BAHCC1: variants seen among roughly 807,000 people sequenced by gnomAD.
The protein encoded by BAHCC1 is BAH and coiled-coil domain-containing protein 1.
Under a neutral mutation model 88.2 loss-of-function variants are expected in BAHCC1, and 43 were observed. The ratio of observed to expected loss-of-function variants is 0.49; its 90% confidence interval spans 0.38 to 0.63. BAHCC1 has a LOEUF of 0.63. Among genes scored for constraint, BAHCC1 ranks in the 20% least tolerant of loss-of-function variants. BAHCC1 has a pLI of 0.00. For synonymous variants in BAHCC1, 1,510 were observed against 745.5 expected, an observed-to-expected ratio of 2.03 and a Z score of -16.71; for missense variants, 3,023 against 1,654.8, an observed-to-expected ratio of 1.83 and a Z score of -14.34.
At chr17:81,457,121 G>A (rs1598509048) in intron 16 of BAHCC1, among the ~76,000 whole-genome samples, 1 of 152,162 alleles carries the variant, frequency 6.6e-6, no homozygotes, top group Admixed American at 6.5e-5. Flanking sequence ...CAGAAAAAGG[G>A]GAAGGGACTT....
At chr17:81,455,131 C>G in intron 14 of BAHCC1, 136 bp from the exon 15 acceptor site, 1 of 623,372 alleles carries the variant, frequency 1.6e-6, no homozygotes, top group Non-Finnish European at 2.9e-6. Flanking sequence ...CCCTCACCCC[C>G]TGCTCTGTCT....
rs1555653387 is a variant in BAHCC1, at chr17:81,443,575, T to C, written c.2215+11T>C. ...CCCCCGCCTTCAAAGGTACAGGCCC[T>C]GCACAGAGAGGGAGGCAGGCCGGGA... On this transcript the variant is annotated intron_variant, in intron 5 of 27. Coordinates refer to ENST00000675386, the MANE Select transcript of BAHCC1 (RefSeq NM_001377448.1). 1 of 627,138 alleles carries C rather than the reference T, an allele frequency of 1.6e-6. No homozygotes were observed. The highest frequency in any genetic ancestry group is 2.5e-5 in the Admixed American group (1 of 40,008). 38.8% of individuals were successfully genotyped at this position (627,138 alleles called of 1,614,324 possible). A position where few individuals can be genotyped will look rare whatever the true frequency, so the allele number is the denominator to read the frequency against.
At chr17:81,463,576 G>A (rs1226406528) in intron 27 of BAHCC1, 35 bp from the exon 28 acceptor site, 1 of 777,350 alleles carries the variant, frequency 1.3e-6, no homozygotes. Flanking sequence ...ACTGGCCAAG[G>A]CCGGCCACTG....
Position 81,464,068 on chromosome 17 carries a change from G to T in BAHCC1, c.*251G>T, listed in dbSNP as rs570930696. ...TGTGGCCCTCATGGGTCCCCGGCCC[G>T]CCCCACCCACAGCGCCCTCCGTTTC... On this transcript the variant is annotated 3_prime_UTR_variant, in exon 28 of 28. Coordinates refer to ENST00000675386, the MANE Select transcript of BAHCC1 (RefSeq NM_001377448.1). 42 of 557,836 alleles carry T rather than the reference G, an allele frequency of 7.5e-5. No homozygotes were observed. The highest frequency in any genetic ancestry group is 9.4e-4 in the Middle Eastern group (2 of 2,134). 34.6% of individuals were successfully genotyped at this position (557,836 alleles called of 1,614,324 possible).
rs919677460 is a variant in BAHCC1, at chr17:81,426,929, G to A, written c.308G>A (p.Arg103His). ...PSSSPPEQAY[R>H]GSHPTTSQIW... is the part of the protein sequence containing the mutation. Reference sequence around the variant, plus strand: ...TCCTCCCCCCCTGAGCAGGCCTACCGTGGCTCCCACCCCACCACCTCCCAG... The same window carrying A: ...TCCTCCCCCCCTGAGCAGGCCTACCATGGCTCCCACCCCACCACCTCCCAG... Residue 103 changes from arginine to histidine, a missense_variant, in exon 3 of 28, where the codon CGT (arginine) becomes CAT (histidine). Transcript: ENST00000675386. 2.8e-5 allele frequency: 11 copies of A among 398,506 alleles called. No individual in the cohort carries two copies. The South Asian group carries it at 6.4e-4, about 23-fold the overall frequency. The allele number at this position is 398,506 out of a possible 1,614,324, so 24.7% of individuals were successfully genotyped here.
rs1354172569 is a variant in BAHCC1 at position 81,445,107 on chromosome 17, T to C, written c.2764T>C (p.Tyr922His). ...HMQHPGQLPV[Y>H]SRPQLLRQQE... ...GCAGCACCCGGGCCAGCTCCCTGTG[T>C]ACTCGAGGCCGCAGCTCCTCCGGCA... The change falls in exon 9 of 28, where the codon TAC (tyrosine) becomes CAC (histidine). Residue 922 changes from tyrosine (Y) to histidine (H), a missense_variant. Coordinates refer to ENST00000675386, the MANE Select transcript of BAHCC1 (RefSeq NM_001377448.1). The C allele has an allele frequency of 3.9e-6, 3 of 772,960 alleles. No individual in the cohort carries two copies. The highest frequency in any genetic ancestry group is 7.2e-6 in the Non-Finnish European group (3 of 415,600). 47.9% of individuals were successfully genotyped at this position (772,960 alleles called of 1,614,324 possible).
At chr17:81,403,678 G>A (rs1231855176) in intron 2 of BAHCC1, among the ~76,000 whole-genome samples, 1 of 152,214 alleles carries the variant, frequency 6.6e-6, no homozygotes, top group Non-Finnish European at 1.5e-5. Flanking sequence ...ACACGATGGA[G>A]TGTTTCTGCA....
intron 27 of BAHCC1, 48 bp from the exon 28 acceptor site, chr17:81,463,563 C>A: frequency 1.3e-6 from 1 of 773,436 alleles, no homozygotes; most frequent in Non-Finnish European, 2.4e-6. Context: ...TGGGCAGGGG[C>A]GCACTGGCCA....
Position 81,447,313 on chromosome 17 carries a change from C to A in BAHCC1, c.3441C>A (p.Asp1147Glu). Residue 1147 changes from aspartate to glutamate, a missense_variant, in exon 11 of 28, where the codon GAC becomes GAA. Asp to Glu is a conservative substitution (Grantham distance 45). Transcript: ENST00000675386. ...TERGPQGKAA[D>E]PSPLEGLQEL... ...GGGGACCCCAGGGGAAGGCAGCGGA[C>A]CCCAGCCCACTAGAGGGGCTACAAG... 1.3e-6 allele frequency: 1 copy of A among 742,656 alleles called. No individual in the cohort carries two copies. 46.0% of individuals were successfully genotyped at this position (742,656 alleles called of 1,614,324 possible).
intron 1 of BAHCC1, chr17:81,396,105 C>T (rs996850473): frequency 6.6e-6 from 1 of 152,364 alleles, no homozygotes; most frequent in East Asian, 1.9e-4. Flanking sequence ...CTCCCCTACC[C>T]TGCTCCCCTC....
chr17:81,458,044 G>C, intron 17 of BAHCC1, 121 bp from the exon 18 acceptor site: 1 of 638,352 alleles, frequency 1.6e-6, no homozygotes, highest in Non-Finnish European at 2.8e-6. Context: ...AGAGGTTGCT[G>C]GGTAACCCGG....
At chr17:81,427,860 C>T (rs1034445572) in intron 3 of BAHCC1, among the ~76,000 whole-genome samples, 76 of 152,308 alleles carry the variant, frequency 5.0e-4, no homozygotes, top group Non-Finnish European at 8.2e-4. Context: ...TTACAGAGCG[C>T]CGCGGACCCA....
chr17:81,455,434 C>G (rs1555657053), intron 15 of BAHCC1, 44 bp downstream of exon 15: 1 of 706,246 alleles, frequency 1.4e-6, no homozygotes, highest in Non-Finnish European at 2.6e-6. Context: ...CCTTCAGGTC[C>G]CTTCAGGTCC....
At chr17:81,415,775 C>T (rs1678977701) in intron 2 of BAHCC1, among the ~76,000 whole-genome samples, 1 of 152,230 alleles carries the variant, frequency 6.6e-6, no homozygotes, top group Non-Finnish European at 1.5e-5. Context: ...CCTGACCTAC[C>T]CCCCAGCCCT....
At chr17:81,445,286 C>T (rs1455653802) in intron 9 of BAHCC1, 68 bp from the exon 10 acceptor site, 5 of 726,932 alleles carry the variant, frequency 6.9e-6, no homozygotes, top group South Asian at 2.9e-5. Context: ...GCAGGATGAA[C>T]CCAAGCAGGG....
Position 81,444,362 on chromosome 17 carries a change from T to G in BAHCC1, c.2325-19T>G. The G allele has an allele frequency of 1.4e-6, 1 of 724,266 alleles. No homozygotes were observed. Among genetic ancestry groups the G allele is most frequent in the Non-Finnish European group, 2.6e-6 (1 of 391,660 alleles). 44.9% of individuals were successfully genotyped at this position (724,266 alleles called of 1,614,324 possible). On this transcript the variant is annotated intron_variant, in intron 6 of 27. Transcript: ENST00000675386. ...TGGGCCTTGGCGCCGGCGGCAGGGC[T>G]GAGCCCCAGGTCTTACAGGGACAGC... is the stretch of plus-strand genomic sequence containing the variant.
At chr17:81,415,766 C>G (rs1266089569) in intron 2 of BAHCC1, among the ~76,000 whole-genome samples, 2 of 152,242 alleles carry the variant, frequency 1.3e-5, no homozygotes, top group Non-Finnish European at 2.9e-5. Flanking sequence ...TCCCTGCTCC[C>G]TGACCTACCC....
intron 3 of BAHCC1, among the ~76,000 whole-genome samples, chr17:81,433,706 C>T (rs1160864518): frequency 6.6e-6 from 1 of 151,932 alleles, no homozygotes; most frequent in African/African-American, 2.4e-5. Flanking sequence ...CATCAGTCCA[C>T]CGAGGCCCCT....
At chr17:81,451,476 G>A (rs1019126616) in intron 11 of BAHCC1, among the ~76,000 whole-genome samples, 192 bp from the exon 12 acceptor site, 7 of 152,156 alleles carry the variant, frequency 4.6e-5, no homozygotes, top group Admixed American at 2.0e-4. Flanking sequence ...CCAAGGGAGT[G>A]TCTCCCCAGC....
Sources: allele counts gnomAD v4.1 joint callset (sites outside exome capture counted in the v4.1 genomes callset), GRCh38; gene constraint gnomAD v4.1.1; transcripts MANE v1.5; gene names NCBI Gene and HGNC (gene_info 2026-07-23, HGNC 2026-07-21).